The following TLK1 variants were observed in gnomAD, a reference collection of about 807,000 sequenced individuals.
The protein encoded by TLK1 is serine/threonine-protein kinase tousled-like 1.
TLK1 carries 24 observed loss-of-function variants against 105.3 expected under a neutral mutation model. The ratio of observed to expected loss-of-function variants is 0.23; its 90% CI spans 0.17 to 0.32. TLK1 has a LOEUF of 0.32. Among genes scored for constraint, TLK1 ranks in the 10% least tolerant of loss-of-function variants. The pLI, the probability that TLK1 is intolerant of heterozygous loss-of-function variation, is 1.00. For missense variants in TLK1, 558 were observed against 910.5 expected (o/e 0.61, Z 4.98); for synonymous variants, 321 against 310.4 (o/e 1.03, Z -0.36).
Position 171,043,022 on chromosome 2 carries a change from T to TA in TLK1, c.1169+3151dup, listed in dbSNP as rs201998664. On this transcript the variant is annotated intron_variant, in intron 11 of 20. Transcript: ENST00000431350. The stretch of plus-strand genomic sequence containing the variant: ...AGACATGAAAAATAGTAATCTAGGT[T>TA]AAAAAAAAAACCAAGGTCCTACACT... 4.7e-3 allele frequency among the ~76,000 whole-genome samples: 693 copies of TA among 146,344 alleles called. 8 individuals are homozygous for TA. Among genetic ancestry groups the TA allele is most frequent in the African/African-American group, 0.015 (613 of 39,822 alleles).
chr2:171,223,090 C>T (rs1693837798), intron 1 of TLK1, among the ~76,000 whole-genome samples: 1 of 152,228 alleles, frequency 6.6e-6, no homozygotes. Context: ...GCTGAAATTA[C>T]AGGCATGAGC....
chr2:171,127,405 T>C (rs1028124479), intron 1 of TLK1, among the ~76,000 whole-genome samples: 4 of 152,202 alleles, frequency 2.6e-5, no homozygotes, highest in African/African-American at 4.8e-5. Context: ...CTATTTTCAT[T>C]GACAATATTT....
intron 4 of TLK1, among the ~76,000 whole-genome samples, chr2:171,058,742 G>A (rs1047611076): frequency 2.6e-5 from 4 of 152,086 alleles, no homozygotes; most frequent in African/African-American, 9.7e-5. Context: ...CTCTAAAATG[G>A]ATTCTTCATC....
intron 12 of TLK1, among the ~76,000 whole-genome samples, chr2:171,021,483 A>G (rs1344788083): frequency 2.0e-4 from 28 of 141,644 alleles, no homozygotes; most frequent in African/African-American, 7.6e-4. Context: ...TAGAGACAAG[A>G]TTTCCAACTC....
intron 1 of TLK1, among the ~76,000 whole-genome samples, chr2:171,139,985 T>C (rs2105574941): frequency 6.6e-6 from 1 of 152,292 alleles, no homozygotes; most frequent in South Asian, 2.1e-4. Context: ...ACGGATGATC[T>C]CACAGGAGGT....
intron 2 of TLK1, among the ~76,000 whole-genome samples, chr2:171,102,933 A>G (rs1689753467): frequency 6.6e-6 from 1 of 152,160 alleles, no homozygotes; most frequent in Non-Finnish European, 1.5e-5. Context: ...TGGAATCAAT[A>G]AGTTGTAGTA....
Position 171,006,871 on chromosome 2 carries a change from A to G in TLK1, c.1527T>C (p.Tyr509=). Residue 509 remains tyrosine (Y), a synonymous_variant, in exon 16 of 21, where the codon TAT becomes TAC. Coordinates refer to ENST00000431350, the MANE Select transcript of TLK1 (RefSeq NM_012290.5). ...GGTGATCCAGTTCTTTGTGTATTCT[A>G]TACTCTCTGCAGGCATGTCTATGAG... ...ENYHKHACRE[Y]RIHKELDHPR... is the part of the protein sequence containing the mutation. The G allele has an allele frequency of 6.2e-7, 1 of 1,613,054 alleles. No individual in the cohort carries two copies. Among genetic ancestry groups the G allele is most frequent in the East Asian group, 2.2e-5 (1 of 44,748 alleles).
chr2:171,179,787 G>A (rs969760102), intron 1 of TLK1, among the ~76,000 whole-genome samples: 5 of 151,660 alleles, frequency 3.3e-5, no homozygotes, highest in African/African-American at 7.3e-5. Context: ...ATAAAACCCC[G>A]TCTCTACTAA....
At chr2:171,059,897 G>A (rs761883199) in intron 4 of TLK1, 31 of 1,130,838 alleles carry the variant, frequency 2.7e-5, no homozygotes, top group South Asian at 3.7e-5. Context: ...GAGCTTAGGC[G>A]GTAATGCTCA....
At position 171,046,163 on chromosome 2, in the gene TLK1, T is replaced by C. The variant is rs1294375803; in HGVS notation, c.1169+11A>G. On this transcript the variant is annotated intron_variant, in intron 11 of 20. Transcript: ENST00000431350. ...AATTTTAAAAAAGAAAAATTTTAAA[T>C]GGAGGCTTACAGTTGTGGTAAATTT... is the stretch of plus-strand genomic sequence containing the variant. 3.3e-6 allele frequency: 5 copies of C among 1,512,506 alleles called. No individual in the cohort carries two copies. The highest frequency in any genetic ancestry group is 4.4e-6 in the Non-Finnish European group (5 of 1,132,684). 93.7% of individuals were successfully genotyped at this position (1,512,506 alleles called of 1,614,324 possible). A position where few individuals can be genotyped will look rare whatever the true frequency, so the allele number is the denominator to read the frequency against.
chr2:171,055,465 T>A (rs186258064), intron 6 of TLK1, among the ~76,000 whole-genome samples: 2 of 147,990 alleles, frequency 1.4e-5, no homozygotes, highest in South Asian at 2.1e-4. Context: ...TTCATACAGT[T>A]AAAAAAAAAA....
At chr2:171,021,838 G>A (rs549473472) in intron 12 of TLK1, among the ~76,000 whole-genome samples, 6 of 151,864 alleles carry the variant, frequency 4.0e-5, no homozygotes, top group South Asian at 2.1e-4. Context: ...GGTGGCTCAC[G>A]CCTGTAATCC....
chr2:171,189,428 G>A (rs1302164510), intron 1 of TLK1, among the ~76,000 whole-genome samples: 1 of 152,174 alleles, frequency 6.6e-6, no homozygotes, highest in Non-Finnish European at 1.5e-5. Context: ...GCCTGCCAAA[G>A]TGCTGGGATT....
intron 1 of TLK1, among the ~76,000 whole-genome samples, chr2:171,127,157 A>G (rs1690900839): frequency 6.6e-6 from 1 of 151,826 alleles, no homozygotes; most frequent in South Asian, 2.1e-4. Context: ...CACACCTGTG[A>G]TCCCAGCGAC....
chr2:171,141,231 G>C (rs938689858), intron 1 of TLK1, among the ~76,000 whole-genome samples: 1 of 152,148 alleles, frequency 6.6e-6, no homozygotes, highest in African/African-American at 2.4e-5. Flanking sequence ...ACTGACGAAC[G>C]AGCTCATCAG....
intron 2 of TLK1, among the ~76,000 whole-genome samples, chr2:171,085,475 A>T (rs1688932744): frequency 6.6e-6 from 1 of 152,178 alleles, no homozygotes; most frequent in Non-Finnish European, 1.5e-5. Flanking sequence ...ATGTTCAATT[A>T]AAAAAATTGA....
intron 11 of TLK1, among the ~76,000 whole-genome samples, chr2:171,035,985 A>G (rs1296221487): frequency 2.0e-5 from 3 of 152,206 alleles, no homozygotes; most frequent in Non-Finnish European, 4.4e-5. Flanking sequence ...CGGTAAGGTA[A>G]TATTTGTGTT....
chr2:171,116,711 AAAG>A (rs1384633276), intron 2 of TLK1, among the ~76,000 whole-genome samples: 1 of 152,088 alleles, frequency 6.6e-6, no homozygotes, highest in South Asian at 2.1e-4. Flanking sequence ...AAAAAAAAAA[AAAG>A]AAGAAATGCT....
chr2:171,108,642 C>T (rs1047980585), intron 2 of TLK1, among the ~76,000 whole-genome samples: 3 of 151,732 alleles, frequency 2.0e-5, no homozygotes, highest in South Asian at 2.1e-4. Context: ...CTCACTCTGT[C>T]GTCCAGGCTG....
Sources: allele counts gnomAD v4.1 joint callset (sites outside exome capture counted in the v4.1 genomes callset), GRCh38; gene constraint gnomAD v4.1.1; transcripts MANE v1.5; gene names NCBI Gene and HGNC (gene_info 2026-07-23, HGNC 2026-07-21).